The following DAP3 variants were observed in gnomAD, a reference collection of about 807,000 sequenced individuals.
DAP3 encodes the protein small ribosomal subunit protein mS29.
A neutral mutation model predicts 51.9 loss-of-function variants in DAP3; 28 were observed. That is an observed-to-expected ratio of 0.54 (90% CI 0.40 to 0.74). The LOEUF is 0.74. Among genes scored for constraint, DAP3 ranks in the 30% least tolerant of loss-of-function variants. The probability of loss-of-function intolerance (pLI) is 0.00; values close to 1 mark genes in which losing one functional copy is unlikely to be tolerated. For synonymous variants in DAP3, 170 were observed against 170.3 expected (o/e 1.00, Z 0.01); for missense variants, 458 against 483.5 (o/e 0.95, Z 0.49).
chr1:155,704,967 A>G (rs1655762020), intron 1 of DAP3, among the ~76,000 whole-genome samples: 1 of 152,094 alleles, frequency 6.6e-6, no homozygotes, highest in Admixed American at 6.6e-5. Flanking sequence ...CGACAGAGCA[A>G]TATTCCATCT....
rs757230517 is a variant in DAP3, at chr1:155,721,559, TC to T, written c.217del (p.Gln73ArgfsTer16). 1 of 1,613,734 alleles carries T rather than the reference TC, an allele frequency of 6.2e-7. No homozygotes were observed. The highest frequency in any genetic ancestry group is 1.7e-5 in the Admixed American group (1 of 59,906). On this transcript the variant is annotated frameshift_variant, in exon 4 of 13. Transcript: ENST00000368336. LOFTEE classifies it high-confidence loss of function. ...DQHEGQHYNI[S>X]PQDLETVFPH... ...GCACGAGGGTCAGCACTACAACATC[TC>T]CCCCCAGGATTTGGAGACTGTATTT...
intron 4 of DAP3, among the ~76,000 whole-genome samples, chr1:155,724,997 T>G (rs907571068): frequency 9.9e-5 from 15 of 152,134 alleles, no homozygotes; most frequent in Non-Finnish European, 1.9e-4. Context: ...TAATGTTTAT[T>G]GAATTATTAA....
At chr1:155,716,505 G>A (rs369771590) in intron 2 of DAP3, among the ~76,000 whole-genome samples, 3 of 151,928 alleles carry the variant, frequency 2.0e-5, no homozygotes, top group Admixed American at 6.6e-5. Flanking sequence ...CCCAGGAGGC[G>A]GAGCTTGCAG....
upstream of DAP3, chr1:155,688,766 C>T (rs1457928062): frequency 4.6e-6 from 7 of 1,528,360 alleles, no homozygotes; most frequent in Admixed American, 2.1e-5. Flanking sequence ...GCCAGCACCC[C>T]CACCCTACAC....
chr1:155,700,843 G>A (rs1655151190), intron 1 of DAP3, among the ~76,000 whole-genome samples: 1 of 84,470 alleles, frequency 1.2e-5, no homozygotes, highest in African/African-American at 5.1e-5. Context: ...CCCTCTGCCC[G>A]GCCAGCCGCC....
chr1:155,738,825 A>C lies in DAP3; in HGVS notation c.*583A>C, dbSNP rs1557807982. ...TGTCTCTACTAAAAATACAAAAATT[A>C]GCCGGGCACGGTGGCATGCGCCTGT... On this transcript the variant is annotated 3_prime_UTR_variant, in exon 13 of 13. Coordinates refer to ENST00000368336, the MANE Select transcript of DAP3 (RefSeq NM_004632.4). 6.6e-6 allele frequency: 1 copy of C among 152,114 alleles called. No individual in the cohort carries two copies. Among genetic ancestry groups the C allele is most frequent in the South Asian group, 2.1e-4 (1 of 4,816 alleles). 9.4% of individuals were successfully genotyped at this position (152,114 alleles called of 1,614,324 possible).
intron 1 of DAP3, among the ~76,000 whole-genome samples, chr1:155,699,426 T>A (rs961686976): frequency 6.6e-6 from 1 of 152,170 alleles, no homozygotes; most frequent in African/African-American, 2.4e-5. Flanking sequence ...ATCAGAAGAC[T>A]TTCCTCCTCA....
intron 3 of DAP3, among the ~76,000 whole-genome samples, chr1:155,719,233 ATTTT>A (rs35815910): frequency 3.9e-5 from 5 of 129,028 alleles, no homozygotes; most frequent in African/African-American, 2.9e-5. Flanking sequence ...CTCTAAAACA[ATTTT>A]TTTTTTTTTT....
intron 11 of DAP3, chr1:155,736,631 C>T (rs908237292): frequency 3.4e-5 from 11 of 326,844 alleles, no homozygotes; most frequent in East Asian, 2.6e-4. Flanking sequence ...GGCCCAGGCT[C>T]GTCTGGAACT....
chr1:155,706,741 T>G (rs1022697597), intron 1 of DAP3, among the ~76,000 whole-genome samples: 26 of 151,136 alleles, frequency 1.7e-4, no homozygotes, highest in Non-Finnish European at 3.4e-4. Flanking sequence ...GAGCAAGACT[T>G]CATCGCAAAA....
chr1:155,715,929 A>G (rs1242721759), intron 2 of DAP3, among the ~76,000 whole-genome samples: 1 of 152,172 alleles, frequency 6.6e-6, no homozygotes, highest in Non-Finnish European at 1.5e-5. Flanking sequence ...CCAGGGCACA[A>G]TTAGCAGGAA....
chr1:155,688,833 C>T, upstream of DAP3: 1 of 1,580,434 alleles, frequency 6.3e-7, no homozygotes, highest in East Asian at 2.3e-5. Context: ...TTCCTGGCGG[C>T]TGCAGGGGCA....
chr1:155,687,966 C>G (rs583303), upstream of DAP3: 1 of 1,308,986 alleles, frequency 7.6e-7, no homozygotes, highest in Admixed American at 2.5e-5. Flanking sequence ...CACTGCTCTC[C>G]CAGAGGTCCA....
chr1:155,688,280 G>A (rs544283867), upstream of DAP3: 5 of 1,588,920 alleles, frequency 3.1e-6, no homozygotes, highest in South Asian at 2.3e-5. Flanking sequence ...TCCCGCAACC[G>A]ACACTGGGAT....
At chr1:155,689,401 T>C in intron 1 of DAP3, 1 of 481,708 alleles carries the variant, frequency 2.1e-6, no homozygotes, top group Non-Finnish European at 4.1e-6. Flanking sequence ...ACTGTCCATA[T>C]GCGATGATGT....
chr1:155,736,964 G>A lies in DAP3; in HGVS notation c.1012G>A (p.Asp338Asn). The A allele has an allele frequency of 6.2e-7, 1 of 1,613,842 alleles. No homozygotes were observed. The highest frequency in any genetic ancestry group is 1.1e-5 in the South Asian group (1 of 91,076). The change falls in exon 12 of 13, where the codon GAT becomes AAT. Residue 338 changes from aspartate (D) to asparagine (N), a missense_variant. Coordinates refer to ENST00000368336, the MANE Select transcript of DAP3 (RefSeq NM_004632.4). ...LLGKEGFDAL[D>N]PFIPILVSNY... ...TCCCCAGGAAGGATTTGATGCCCTG[G>A]ATCCCTTTATTCCCATCCTGGTTTC...
intron 4 of DAP3, among the ~76,000 whole-genome samples, chr1:155,724,919 A>C (rs1571537327): frequency 6.6e-6 from 1 of 151,356 alleles, no homozygotes; most frequent in Non-Finnish European, 1.5e-5. Context: ...GTGCCATTGC[A>C]CTCCAGCCTG....
intron 1 of DAP3, 172 bp downstream of exon 1, chr1:155,689,346 T>A (rs1425651842): frequency 1.8e-6 from 1 of 550,802 alleles, no homozygotes; most frequent in East Asian, 4.3e-5. Context: ...GGTGGTGTGC[T>A]TTTTGTTGTT....
chr1:155,698,577 A>G (rs1462748115), intron 1 of DAP3, among the ~76,000 whole-genome samples: 1 of 152,156 alleles, frequency 6.6e-6, no homozygotes, highest in Non-Finnish European at 1.5e-5. Flanking sequence ...TGCTGTACAC[A>G]CCAATGACCA....
Sources: allele counts gnomAD v4.1 joint callset (sites outside exome capture counted in the v4.1 genomes callset), GRCh38; gene constraint gnomAD v4.1.1; transcripts MANE v1.5; gene names NCBI Gene and HGNC (gene_info 2026-07-23, HGNC 2026-07-21).